LRRC4C: variants seen among roughly 807,000 people sequenced by gnomAD.
LRRC4C encodes leucine-rich repeat-containing protein 4C.
LRRC4C carries 5 observed loss-of-function variants against 33.6 expected under a neutral mutation model. The ratio of observed to expected loss-of-function variants is 0.15; its 90% CI spans 0.08 to 0.31. The LOEUF is 0.31. Ranked by LOEUF, LRRC4C falls within the 10% of genes least tolerant of loss-of-function variation. The probability of loss-of-function intolerance (pLI) is 1.00; values close to 1 mark genes in which losing one functional copy is unlikely to be tolerated. For missense variants in LRRC4C, 560 were observed against 796.7 expected (o/e 0.70, Z 3.58); for synonymous variants, 329 against 302.0 (o/e 1.09, Z -0.93).
intron 2 of LRRC4C, among the ~76,000 whole-genome samples, chr11:40,852,070 A>G (rs879849485): frequency 2.0e-3 from 298 of 151,540 alleles, no homozygotes; most frequent in Non-Finnish European, 3.3e-3. Context: ...CTCATGATCC[A>G]CCTGCCTCAG....
chr11:40,476,346 T>TTTC (rs1953229160), intron 3 of LRRC4C, among the ~76,000 whole-genome samples: 3 of 42,316 alleles, frequency 7.1e-5, no homozygotes, highest in South Asian at 7.5e-4. Flanking sequence ...TTTCTTCTTT[T>TTTC]TTTTTTTTTT....
At chr11:41,188,763 T>C (rs1276006225) in intron 1 of LRRC4C, among the ~76,000 whole-genome samples, 3 of 151,854 alleles carry the variant, frequency 2.0e-5, no homozygotes, top group Non-Finnish European at 2.9e-5. Flanking sequence ...ATAAATGGTT[T>C]CTAAAATGTA....
intron 1 of LRRC4C, among the ~76,000 whole-genome samples, chr11:41,193,435 T>C (rs1234232421): frequency 1.3e-5 from 2 of 152,080 alleles, no homozygotes; most frequent in African/African-American, 4.8e-5. Context: ...CCAAGCATCA[T>C]GAAACTCTGG....
At chr11:40,882,548 A>G (rs1214319262) in intron 2 of LRRC4C, among the ~76,000 whole-genome samples, 2 of 151,896 alleles carry the variant, frequency 1.3e-5, no homozygotes, top group Non-Finnish European at 2.9e-5. Flanking sequence ...ATCTTTCTAC[A>G]TACTATTCCT....
chr11:40,793,108 C>T (rs899437980), intron 2 of LRRC4C, among the ~76,000 whole-genome samples: 2 of 151,766 alleles, frequency 1.3e-5, no homozygotes, highest in African/African-American at 4.8e-5. Context: ...GTACATTGTG[C>T]ACATGTACCC....
At chr11:40,911,154 T>A (rs2136269729) in intron 2 of LRRC4C, among the ~76,000 whole-genome samples, 1 of 152,298 alleles carries the variant, frequency 6.6e-6, no homozygotes, top group East Asian at 1.9e-4. Context: ...AGCAGAAACC[T>A]CTGCAGACCT....
At chr11:40,330,959 C>A (rs1235537566) in intron 3 of LRRC4C, among the ~76,000 whole-genome samples, 1 of 152,274 alleles carries the variant, frequency 6.6e-6, no homozygotes, top group East Asian at 1.9e-4. Context: ...TAACCAATTT[C>A]TGACTATTCT....
chr11:40,482,681 G>C (rs184892590), intron 3 of LRRC4C, among the ~76,000 whole-genome samples: 3 of 152,024 alleles, frequency 2.0e-5, no homozygotes, highest in Admixed American at 2.0e-4. Context: ...TGTTGCCCAA[G>C]GCTGGTTGCA....
chr11:40,757,277 C>A (rs1038207586), intron 2 of LRRC4C, among the ~76,000 whole-genome samples: 3 of 152,160 alleles, frequency 2.0e-5, no homozygotes, highest in African/African-American at 4.8e-5. Context: ...TCCCTTCTGG[C>A]TAATAAAAGC....
intron 2 of LRRC4C, among the ~76,000 whole-genome samples, chr11:40,894,005 A>G (rs1955831908): frequency 6.6e-6 from 1 of 152,086 alleles, no homozygotes; most frequent in Non-Finnish European, 1.5e-5. Flanking sequence ...AAGATCATAA[A>G]CCTGCATGTT....
At chr11:40,184,982 G>A (rs760936552) in intron 5 of LRRC4C, among the ~76,000 whole-genome samples, 2 of 152,180 alleles carry the variant, frequency 1.3e-5, no homozygotes, top group African/African-American at 2.4e-5. Context: ...GGTGTGCAAA[G>A]TGAGTTTTAA....
chr11:41,171,903 T>C (rs1385905127), intron 1 of LRRC4C, among the ~76,000 whole-genome samples: 1 of 151,948 alleles, frequency 6.6e-6, no homozygotes, highest in Admixed American at 6.6e-5. Flanking sequence ...CCAGGCCAGC[T>C]GCTGGGAAAA....
chr11:40,749,931 T>C (rs2136976708), intron 2 of LRRC4C, among the ~76,000 whole-genome samples: 1 of 152,058 alleles, frequency 6.6e-6, no homozygotes, highest in Middle Eastern at 3.4e-3. Flanking sequence ...CAACCTAAAA[T>C]TAAGAAGAAA....
chr11:41,453,226 C>T lies in LRRC4C; in HGVS notation c.-496+6205G>A, dbSNP rs12279448. On this transcript the variant is annotated intron_variant, in intron 1 of 6. Transcript: ENST00000528697. ...CTGTGTCCTGTAACTGCAGTACAAT[C>T]ATGCACATGGCATCAGACATTTTAA... Among the ~76,000 whole-genome samples the T allele has an allele frequency of 1.4e-3, 212 of 152,244 alleles. 2 individuals are homozygous for T. The highest frequency in any genetic ancestry group is 5.0e-3 in the African/African-American group (208 of 41,554).
intron 2 of LRRC4C, among the ~76,000 whole-genome samples, chr11:40,698,625 A>T (rs1299598761): frequency 6.6e-6 from 1 of 152,152 alleles, no homozygotes; most frequent in African/African-American, 2.4e-5. Context: ...GTCAAAAGGA[A>T]ATTGGGTTAA....
At chr11:41,243,045 CTG>C (rs1244619360) in intron 1 of LRRC4C, among the ~76,000 whole-genome samples, 1 of 152,154 alleles carries the variant, frequency 6.6e-6, no homozygotes, top group Non-Finnish European at 1.5e-5. Context: ...TTATGACCCT[CTG>C]TTAAACTCCG....
chr11:41,360,318 T>A (rs2137662413), intron 1 of LRRC4C, among the ~76,000 whole-genome samples: 1 of 152,296 alleles, frequency 6.6e-6, no homozygotes, highest in South Asian at 2.1e-4. Context: ...ATAATACTAC[T>A]GAACTTTAAT....
chr11:40,424,700 T>C (rs897066312), intron 3 of LRRC4C, among the ~76,000 whole-genome samples: 1 of 152,184 alleles, frequency 6.6e-6, no homozygotes, highest in African/African-American at 2.4e-5. Flanking sequence ...TATGGAATGA[T>C]GTCAAGTGAA....
intron 3 of LRRC4C, among the ~76,000 whole-genome samples, chr11:40,328,426 A>T (rs1946196706): frequency 6.6e-6 from 1 of 152,232 alleles, no homozygotes; most frequent in South Asian, 2.1e-4. Context: ...TCAATGGTAC[A>T]GTATAATACT....
Sources: gnomAD v4.1 joint callset for allele counts (sites outside exome capture counted in the v4.1 genomes callset) on GRCh38, gnomAD v4.1.1 for gene constraint, MANE v1.5 for transcripts, NCBI Gene and HGNC (gene_info 2026-07-23, HGNC 2026-07-21) for gene names.